Variants in PARD6A observed in about 807,000 individuals in gnomAD.
The protein encoded by PARD6A is partitioning defective 6 homolog alpha.
Under a neutral mutation model 21.3 loss-of-function variants are expected in PARD6A, and 20 were observed. That is an observed-to-expected ratio of 0.94 (90% CI 0.66 to 1.36). The LOEUF (loss-of-function observed/expected upper bound fraction) is 1.36. Among genes scored for constraint, PARD6A ranks in the 40% most tolerant of loss-of-function variants. The probability of loss-of-function intolerance (pLI) is 0.00; values close to 1 mark genes in which losing one functional copy is unlikely to be tolerated. For synonymous variants in PARD6A, 214 were observed against 204.8 expected (o/e 1.04, Z -0.38); for missense variants, 411 against 482.0 (o/e 0.85, Z 1.38).
rs2053037089 is a variant in PARD6A, at chr16:67,662,399, G to C, written c.790G>C (p.Gly264Arg). The change falls in exon 3 of 3, where the codon GGT (glycine) becomes CGT (arginine). Residue 264 changes from glycine to arginine, a missense_variant. Gly to Arg is a moderately radical substitution (Grantham distance 125). Transcript: ENST00000458121. This position sits in a 1 kb window ranked among gnomAD's most constrained non-coding sequence, Gnocchi z 6.9. ...GCGAGGGGCATCTGGGCGTTTGACA[G>C]GTCCTCCCTCTGCAGGGCCTGGGCC... Reference protein sequence around the residue: ...VVRGASGRLTGPPSAGPGPAE... With the variant: ...VVRGASGRLTRPPSAGPGPAE... The C allele has an allele frequency of 6.2e-7, 1 of 1,614,068 alleles. No homozygotes were observed. Among genetic ancestry groups the C allele is most frequent in the South Asian group, 1.1e-5 (1 of 91,088 alleles).
Position 67,661,175 on chromosome 16 carries a change from C to G in PARD6A, c.63+74C>G, listed in dbSNP as rs1329160056. ...CTCCCCTTCCCAGCTCCTTGGTCCC[C>G]GCCACCTCTTCCCTCTATCCTCCAA... On this transcript the variant is annotated intron_variant, in intron 1 of 2. Transcript: ENST00000458121. This position sits in a 1 kb window ranked among gnomAD's most constrained non-coding sequence, Gnocchi z 7.0. The G allele has an allele frequency of 2.3e-6, 3 of 1,294,878 alleles. No individual in the cohort carries two copies. The Admixed American group carries it at 5.1e-5, about 22-fold the overall frequency. 80.2% of individuals were successfully genotyped at this position (1,294,878 alleles called of 1,614,324 possible). A position where few individuals can be genotyped will look rare whatever the true frequency, so the allele number is the denominator to read the frequency against.
chr16:67,661,921 T>G lies in PARD6A; in HGVS notation c.312T>G (p.Phe104Leu). ...AAGCTGACTCCAGCGGCCTGGCTTTTGCCTCCAACTCTCTGCAGCGGCGCA... is the reference window on the plus strand; with the variant it reads ...AAGCTGACTCCAGCGGCCTGGCTTTGGCCTCCAACTCTCTGCAGCGGCGCA... ...KREADSSGLA[F>L]ASNSLQRRKK... The change falls in exon 3 of 3, where the codon TTT (phenylalanine) becomes TTG (leucine). Residue 104 changes from phenylalanine (F) to leucine (L), a missense_variant. Physicochemically the swap from Phe to Leu is conservative, Grantham distance 22. Coordinates refer to ENST00000458121, the MANE Select transcript of PARD6A (RefSeq NM_001037281.2). This position sits in a 1 kb window ranked among gnomAD's most constrained non-coding sequence, Gnocchi z 7.0. The G allele has an allele frequency of 6.2e-7, 1 of 1,603,826 alleles. No homozygotes were observed. Among genetic ancestry groups the G allele is most frequent in the Non-Finnish European group, 8.5e-7 (1 of 1,177,310 alleles).
At position 67,662,560 on chromosome 16, in the gene PARD6A, C is replaced by T; in HGVS notation, c.951C>T (p.Ser317=). ...GCTGCCGACATCCTGGTACCCGCAG[C>T]TCTCTGCCCTCCCTGGATGACCAGG... ...HPGCRHPGTR[S]SLPSLDDQEQ... Residue 317 remains serine (S), a synonymous_variant, in exon 3 of 3, where the codon AGC becomes AGT. Transcript: ENST00000458121. The surrounding 1 kb of genome is among the most constrained non-coding windows in gnomAD (Gnocchi z 6.9). The T allele has an allele frequency of 1.2e-6, 2 of 1,613,004 alleles. No homozygotes were observed. The highest frequency in any genetic ancestry group is 1.1e-5 in the South Asian group (1 of 91,082).
In PARD6A at chr16:67,662,635, C is replaced by T; in HGVS notation, c.1026C>T (p.Gly342=). The T allele has an allele frequency of 6.4e-7, 1 of 1,572,314 alleles. No individual in the cohort carries two copies. Among genetic ancestry groups the T allele is most frequent in the South Asian group, 1.2e-5 (1 of 85,630 alleles). ...GTCGCATTCGAGGAGATGGTAGTGG[C>T]TTCAGCCTCTGACAGTCAGGATGAA... The part of the protein sequence containing the change: ...WGSRIRGDGS[G]FSL The change falls in exon 3 of 3, where the codon GGC becomes GGT. Residue 342 remains glycine, a synonymous_variant. Transcript: ENST00000458121. This position sits in a 1 kb window ranked among gnomAD's most constrained non-coding sequence, Gnocchi z 6.9.
Position 67,662,648 on chromosome 16 carries a change from C to CA in PARD6A, c.*2dup, listed in dbSNP as rs756810885. On this transcript the variant is annotated 3_prime_UTR_variant, in exon 3 of 3. Transcript: ENST00000458121. This position sits in a 1 kb window ranked among gnomAD's most constrained non-coding sequence, Gnocchi z 6.9. ...AGATGGTAGTGGCTTCAGCCTCTGA[C>CA]AGTCAGGATGAAGCCCCATGCCACT... is the stretch of plus-strand genomic sequence containing the variant. 1.4e-5 allele frequency: 22 copies of CA among 1,552,926 alleles called. No individual in the cohort carries two copies. Among genetic ancestry groups the CA allele is most frequent in the Non-Finnish European group, 1.9e-5 (22 of 1,149,050 alleles).
rs781320342 is a variant in PARD6A, at chr16:67,662,325, A to G, written c.716A>G (p.His239Arg). The change falls in exon 3 of 3, where the codon CAT becomes CGT. Residue 239 changes from histidine (H) to arginine (R), a missense_variant. Physicochemically the swap from His to Arg is conservative, Grantham distance 29 (BLOSUM62 0). Transcript: ENST00000458121. The surrounding 1 kb of genome is among the most constrained non-coding windows in gnomAD (Gnocchi z 6.9). Reference sequence around the variant, plus strand: ...ACGGACATGATGGTTGCCAACAGCCATAACCTCATTGTCACTGTCAAGCCC... The same window carrying G: ...ACGGACATGATGGTTGCCAACAGCCGTAACCTCATTGTCACTGTCAAGCCC... ...QVTDMMVANS[H>R]NLIVTVKPAN... 1.9e-6 allele frequency: 3 copies of G among 1,614,122 alleles called. No homozygotes were observed. The highest frequency in any genetic ancestry group is 2.2e-5 in the South Asian group (2 of 91,086).
chr16:67,661,920 T>C lies in PARD6A; in HGVS notation c.311T>C (p.Phe104Ser), dbSNP rs754742811. 2 of 1,603,662 alleles carry C rather than the reference T, an allele frequency of 1.2e-6. No individual in the cohort carries two copies. The highest frequency in any genetic ancestry group is 1.7e-6 in the Non-Finnish European group (2 of 1,177,286). Residue 104 changes from phenylalanine to serine, a missense_variant, in exon 3 of 3, where the codon TTT (phenylalanine) becomes TCT (serine). By Grantham distance (155) the Phe-to-Ser change is radical. Transcript: ENST00000458121. This position sits in a 1 kb window ranked among gnomAD's most constrained non-coding sequence, Gnocchi z 7.0. ...GAAGCTGACTCCAGCGGCCTGGCTT[T>C]TGCCTCCAACTCTCTGCAGCGGCGC... Reference protein sequence around the residue: ...KREADSSGLAFASNSLQRRKK... With the variant: ...KREADSSGLASASNSLQRRKK...
At position 67,661,605 on chromosome 16, in the gene PARD6A, A is replaced by G. The variant is rs1368706857; in HGVS notation, c.214A>G (p.Thr72Ala). 6.2e-7 allele frequency: 1 copy of G among 1,607,004 alleles called. No homozygotes were observed. The highest frequency in any genetic ancestry group is 1.1e-5 in the South Asian group (1 of 91,002). ...TGCTCATGGCGACCTGCTGCCCCTC[A>G]CCAACGACGACAGCCTGCACCGGGC... ...TDAHGDLLPL[T>A]NDDSLHRALA... Residue 72 changes from threonine (T) to alanine (A), a missense_variant, in exon 2 of 3, where the codon ACC (threonine) becomes GCC (alanine). Physicochemically the swap from Thr to Ala is moderately conservative, Grantham distance 58. Coordinates refer to ENST00000458121, the MANE Select transcript of PARD6A (RefSeq NM_001037281.2). This position sits in a 1 kb window ranked among gnomAD's most constrained non-coding sequence, Gnocchi z 7.0.
Position 67,662,047 on chromosome 16 carries a change from C to T in PARD6A, c.438C>T (p.Asp146=), listed in dbSNP as rs757994924. 1.2e-5 allele frequency: 19 copies of T among 1,613,818 alleles called. No individual in the cohort carries two copies. The highest frequency in any genetic ancestry group is 6.7e-5 in the African/African-American group (5 of 74,938). ...TCCGCCAGGTTTCCTCAGTCATAGA[C>T]GTGGACCTACTGCCTGAGACCCACC... The part of the protein sequence containing the change: ...QDFRQVSSVI[D]VDLLPETHRR... Residue 146 remains aspartate, a synonymous_variant, in exon 3 of 3, where the codon GAC becomes GAT. Transcript: ENST00000458121. This position sits in a 1 kb window ranked among gnomAD's most constrained non-coding sequence, Gnocchi z 6.9.
In PARD6A at chr16:67,661,974, C is replaced by A. The variant is rs1198248079; in HGVS notation, c.365C>A (p.Ala122Glu). 1 of 1,612,684 alleles carries A rather than the reference C, an allele frequency of 6.2e-7. No homozygotes were observed. Residue 122 changes from alanine to glutamate, a missense_variant, in exon 3 of 3, where the codon GCA becomes GAA. Ala to Glu is a moderately radical substitution (Grantham distance 107, BLOSUM62 -1). Coordinates refer to ENST00000458121, the MANE Select transcript of PARD6A (RefSeq NM_001037281.2). This position sits in a 1 kb window ranked among gnomAD's most constrained non-coding sequence, Gnocchi z 7.0. ...AAAGGGCTCTTGCTGCGGCCAGTGG[C>A]ACCCCTGCGCACCCGGCCACCCTTG... ...RKKGLLLRPVAPLRTRPPLLI... is the reference protein window; with the variant it reads ...RKKGLLLRPVEPLRTRPPLLI...
At position 67,661,935 on chromosome 16, in the gene PARD6A, T is replaced by C; in HGVS notation, c.326T>C (p.Leu109Pro). 6.2e-7 allele frequency: 1 copy of C among 1,609,124 alleles called. No homozygotes were observed. Among genetic ancestry groups the C allele is most frequent in the Non-Finnish European group, 8.5e-7 (1 of 1,179,376 alleles). ...GGCCTGGCTTTTGCCTCCAACTCTC[T>C]GCAGCGGCGCAAGAAAGGGCTCTTG... ...SSGLAFASNSLQRRKKGLLLR... is the reference protein window; with the variant it reads ...SSGLAFASNSPQRRKKGLLLR... The change falls in exon 3 of 3, where the codon CTG (leucine) becomes CCG (proline). Residue 109 changes from leucine (L) to proline (P), a missense_variant. By Grantham distance (98) the Leu-to-Pro change is moderately conservative. Transcript: ENST00000458121. The surrounding 1 kb of genome is among the most constrained non-coding windows in gnomAD (Gnocchi z 7.0).
In PARD6A at chr16:67,662,131, T is replaced by G; in HGVS notation, c.522T>G (p.Asp174Glu). The G allele has an allele frequency of 6.2e-7, 1 of 1,613,564 alleles. No homozygotes were observed. Among genetic ancestry groups the G allele is most frequent in the Non-Finnish European group, 8.5e-7 (1 of 1,179,932 alleles). Residue 174 changes from aspartate to glutamate, a missense_variant, in exon 3 of 3, where the codon GAT (aspartate) becomes GAG (glutamate). By Grantham distance (45) the Asp-to-Glu change is conservative. Transcript: ENST00000458121. The surrounding 1 kb of genome is among the most constrained non-coding windows in gnomAD (Gnocchi z 6.9). The stretch of plus-strand genomic sequence containing the variant: ...GCCCCCTGGGCTTCTACATCCGAGA[T>G]GGCATGAGCGTGCGTGTGGCTCCCC... ...SDRPLGFYIR[D>E]GMSVRVAPQG...
In PARD6A at chr16:67,661,389, C is replaced by T; in HGVS notation, c.64-66C>T. On this transcript the variant is annotated intron_variant, in intron 1 of 2. Transcript: ENST00000458121. The surrounding 1 kb of genome is among the most constrained non-coding windows in gnomAD (Gnocchi z 7.0). Reference sequence around the variant, plus strand: ...GCAGCCGCATCTTTCCCATTCCTGCCAGCCTGCGGTGAGAAAGGGGCGCAG... The same window carrying T: ...GCAGCCGCATCTTTCCCATTCCTGCTAGCCTGCGGTGAGAAAGGGGCGCAG... The T allele has an allele frequency of 6.4e-7, 1 of 1,567,796 alleles. No homozygotes were observed. The highest frequency in any genetic ancestry group is 8.6e-7 in the Non-Finnish European group (1 of 1,165,064).
chr16:67,662,431 G>A lies in PARD6A; in HGVS notation c.822G>A (p.Glu274=). The A allele has an allele frequency of 6.2e-7, 1 of 1,613,844 alleles. No homozygotes were observed. The highest frequency in any genetic ancestry group is 1.1e-5 in the South Asian group (1 of 91,082). The change falls in exon 3 of 3, where the codon GAG becomes GAA. Residue 274 remains glutamate, a synonymous_variant. Transcript: ENST00000458121. This position sits in a 1 kb window ranked among gnomAD's most constrained non-coding sequence, Gnocchi z 6.9. ...GPPSAGPGPA[E]PDSDDDSSDL... ...CCTCTGCAGGGCCTGGGCCTGCTGA[G>A]CCTGATAGTGACGATGACAGCAGTG...
In PARD6A at chr16:67,662,355, A is replaced by G. The variant is rs2053035992; in HGVS notation, c.746A>G (p.Asn249Ser). The G allele has an allele frequency of 5.0e-6, 8 of 1,614,070 alleles. 1 individual carries two copies. In the South Asian group the frequency reaches 7.7e-5, roughly 16 times the overall value. ...CTCATTGTCACTGTCAAGCCCGCCA[A>G]CCAGCGCAATAACGTGGTGCGAGGG... is the stretch of plus-strand genomic sequence containing the variant. The part of the protein sequence containing the change: ...HNLIVTVKPA[N>S]QRNNVVRGAS... The change falls in exon 3 of 3, where the codon AAC becomes AGC. Residue 249 changes from asparagine (N) to serine (S), a missense_variant. Transcript: ENST00000458121. The surrounding 1 kb of genome is among the most constrained non-coding windows in gnomAD (Gnocchi z 6.9).
In PARD6A at chr16:67,661,875, A is replaced by C; in HGVS notation, c.287-21A>C. 6.4e-7 allele frequency: 1 copy of C among 1,560,710 alleles called. No homozygotes were observed. Among genetic ancestry groups the C allele is most frequent in the South Asian group, 1.2e-5 (1 of 83,716 alleles). On this transcript the variant is annotated intron_variant, in intron 2 of 2. Coordinates refer to ENST00000458121, the MANE Select transcript of PARD6A (RefSeq NM_001037281.2). This position sits in a 1 kb window ranked among gnomAD's most constrained non-coding sequence, Gnocchi z 7.0. Reference sequence around the variant, plus strand: ...CGGGGAGCAGGTCTCTGATCTCAACATCCCCCCTCTTCTGCAGCAGAAGCT... The same window carrying C: ...CGGGGAGCAGGTCTCTGATCTCAACCTCCCCCCTCTTCTGCAGCAGAAGCT...
At position 67,662,611 on chromosome 16, in the gene PARD6A, T is replaced by G. The variant is rs1597779855; in HGVS notation, c.1002T>G (p.Ser334Arg). The stretch of plus-strand genomic sequence containing the variant: ...AGCAGGCCAGTTCTGGCTGGGGGAG[T>G]CGCATTCGAGGAGATGGTAGTGGCT... ...DQEQASSGWGSRIRGDGSGFS... is the reference protein window; with the variant it reads ...DQEQASSGWGRRIRGDGSGFS... The change falls in exon 3 of 3, where the codon AGT becomes AGG. Residue 334 changes from serine (S) to arginine (R), a missense_variant. By Grantham distance (110) the Ser-to-Arg change is moderately radical. Transcript: ENST00000458121. The surrounding 1 kb of genome is among the most constrained non-coding windows in gnomAD (Gnocchi z 6.9). 1 of 1,601,106 alleles carries G rather than the reference T, an allele frequency of 6.2e-7. No homozygotes were observed. Among genetic ancestry groups the G allele is most frequent in the Non-Finnish European group, 8.5e-7 (1 of 1,173,830 alleles).
chr16:67,661,745 G>T lies in PARD6A; in HGVS notation c.286+68G>T. On this transcript the variant is annotated intron_variant, in intron 2 of 2. Coordinates refer to ENST00000458121, the MANE Select transcript of PARD6A (RefSeq NM_001037281.2). The surrounding 1 kb of genome is among the most constrained non-coding windows in gnomAD (Gnocchi z 7.0). ...CTGTGGGGCAGGTCTACAAGGGTTAGTCCATGCCCAGGGTACCCAAGCGTC... is the reference window on the plus strand; with the variant it reads ...CTGTGGGGCAGGTCTACAAGGGTTATTCCATGCCCAGGGTACCCAAGCGTC... The T allele has an allele frequency of 6.4e-7, 1 of 1,569,924 alleles. No individual in the cohort carries two copies. The highest frequency in any genetic ancestry group is 8.6e-7 in the Non-Finnish European group (1 of 1,163,934).
rs956347893 is a variant in PARD6A, at chr16:67,662,563, T to G, written c.954T>G (p.Ser318=). Residue 318 remains serine (S), a synonymous_variant, in exon 3 of 3, where the codon TCT becomes TCG. Coordinates refer to ENST00000458121, the MANE Select transcript of PARD6A (RefSeq NM_001037281.2). The surrounding 1 kb of genome is among the most constrained non-coding windows in gnomAD (Gnocchi z 6.9). The stretch of plus-strand genomic sequence containing the variant: ...GCCGACATCCTGGTACCCGCAGCTC[T>G]CTGCCCTCCCTGGATGACCAGGAGC... ...PGCRHPGTRS[S]LPSLDDQEQA... 1.2e-6 allele frequency: 2 copies of G among 1,612,868 alleles called. No individual in the cohort carries two copies. The highest frequency in any genetic ancestry group is 2.7e-5 in the African/African-American group (2 of 74,946).
Sources: gnomAD v4.1 joint callset for allele counts on GRCh38, gnomAD v4.1.1 for gene constraint, Gnocchi (gnomAD v3.1) non-coding constraint, MANE v1.5 for transcripts, NCBI Gene and HGNC (gene_info 2026-07-23, HGNC 2026-07-21) for gene names.